The following TNRC6B variants were observed in gnomAD, a reference collection of about 807,000 sequenced individuals.
TNRC6B encodes the protein trinucleotide repeat-containing gene 6B protein.
Under a neutral mutation model 203.6 loss-of-function variants are expected in TNRC6B, and 52 were observed. The ratio of observed to expected loss-of-function variants is 0.26; its 90% CI spans 0.20 to 0.32. TNRC6B has a LOEUF of 0.32. Ranked by LOEUF, TNRC6B falls within the 10% of genes least tolerant of loss-of-function variation. The pLI, the probability that TNRC6B is intolerant of heterozygous loss-of-function variation, is 1.00. For synonymous variants in TNRC6B, 838 were observed against 845.7 expected (o/e 0.99, Z 0.16); for missense variants, 1,923 against 2,286.2 (o/e 0.84, Z 3.24).
chr22:40,086,676 C>A (rs913011193), intron 1 of TNRC6B, among the ~76,000 whole-genome samples: 2 of 152,138 alleles, frequency 1.3e-5, no homozygotes, highest in African/African-American at 2.4e-5. Context: ...AAGATGTCTT[C>A]TTTCACCTTG....
chr22:40,091,823 T>TA (rs1177540931), intron 1 of TNRC6B, among the ~76,000 whole-genome samples: 7 of 151,308 alleles, frequency 4.6e-5, no homozygotes, highest in Admixed American at 6.6e-5. Flanking sequence ...TAATGAAACT[T>TA]AAAAAAAAAC....
chr22:40,111,077 G>A (rs948477368), intron 1 of TNRC6B, among the ~76,000 whole-genome samples: 3 of 152,176 alleles, frequency 2.0e-5, no homozygotes, highest in Non-Finnish European at 2.9e-5. Flanking sequence ...GGAAGGATCC[G>A]TCCAGATCAC....
intron 2 of TNRC6B, among the ~76,000 whole-genome samples, chr22:40,122,884 G>A (rs2068457891): frequency 6.6e-6 from 1 of 152,202 alleles, no homozygotes; most frequent in Non-Finnish European, 1.5e-5. Flanking sequence ...GGGAAGCTGA[G>A]ACTGAGACAA....
chr22:40,117,231 A>C (rs1314436522), intron 2 of TNRC6B: 3 of 152,440 alleles, frequency 2.0e-5, no homozygotes, highest in African/African-American at 7.2e-5. Flanking sequence ...CCAAGTTCTT[A>C]CAGAAAGATA....
At chr22:40,299,158 C>CAAAAAA (rs796432826) in intron 12 of TNRC6B, among the ~76,000 whole-genome samples, 4 of 103,068 alleles carry the variant, frequency 3.9e-5, no homozygotes, top group Non-Finnish European at 4.1e-5. Context: ...AAAAAAAAAA[C>CAAAAAA]AAAAAAAAAA....
chr22:40,096,797 A>G (rs1320261293), intron 1 of TNRC6B, among the ~76,000 whole-genome samples: 2 of 152,236 alleles, frequency 1.3e-5, no homozygotes, highest in African/African-American at 4.8e-5. Context: ...ATCCACCTAC[A>G]CATTGGCATG....
intron 1 of TNRC6B, among the ~76,000 whole-genome samples, chr22:40,228,078 G>T (rs1404351708): frequency 2.6e-5 from 4 of 152,186 alleles, no homozygotes; most frequent in African/African-American, 4.8e-5. Flanking sequence ...GCTTTTGTGG[G>T]TTGGTCTGGC....
intron 1 of TNRC6B, among the ~76,000 whole-genome samples, chr22:40,219,617 A>G (rs2069680899): frequency 6.6e-6 from 1 of 152,074 alleles, no homozygotes. Flanking sequence ...GTGGCCACCC[A>G]GACCTCCTTC....
At chr22:40,052,770 T>C (rs1172351566) in intron 1 of TNRC6B, among the ~76,000 whole-genome samples, 3 of 152,178 alleles carry the variant, frequency 2.0e-5, no homozygotes, top group Non-Finnish European at 4.4e-5. Flanking sequence ...GACTTCCCCA[T>C]AGGACTGAGT....
At chr22:40,174,732 G>A (rs200339351), upstream of TNRC6B, among the ~76,000 whole-genome samples, 4 of 151,878 alleles carry the variant, frequency 2.6e-5, no homozygotes, top group East Asian at 3.9e-4. Context: ...GGCTGAGGCA[G>A]GAGAATGGCG....
At chr22:40,307,917 A>G (rs1339464874) in intron 15 of TNRC6B, among the ~76,000 whole-genome samples, 1 of 152,082 alleles carries the variant, frequency 6.6e-6, no homozygotes, top group Non-Finnish European at 1.5e-5. Flanking sequence ...AAGACCCTAC[A>G]TGACACAACT....
chr22:40,103,125 G>T (rs2146306491), intron 1 of TNRC6B, among the ~76,000 whole-genome samples: 1 of 151,752 alleles, frequency 6.6e-6, no homozygotes, highest in Middle Eastern at 3.4e-3. Flanking sequence ...TAATTTAGCT[G>T]GTCATGATGG....
At chr22:40,300,375 C>G (rs1001560240) in intron 12 of TNRC6B, 80 bp from the exon 13 acceptor site, 1 of 1,357,572 alleles carries the variant, frequency 7.4e-7, no homozygotes. Context: ...CATCAAGATT[C>G]TTTTCACAGA....
At chr22:40,250,887 G>A (rs2070181793) in intron 2 of TNRC6B, among the ~76,000 whole-genome samples, 1 of 149,942 alleles carries the variant, frequency 6.7e-6, no homozygotes, top group African/African-American at 2.4e-5. Flanking sequence ...CATTCAAAAT[G>A]CAAGTAGCAT....
rs532491913 is a variant in TNRC6B, at chr22:40,149,835, G to C, written c.46-6280G>C. Among the ~76,000 whole-genome samples, 8 of 151,680 alleles carry C rather than the reference G, an allele frequency of 5.3e-5. No homozygotes were observed. The South Asian group carries it at 1.2e-3, about 24-fold the overall frequency. On this transcript the variant is annotated intron_variant, in intron 3 of 23. Coordinates refer to the TNRC6B transcript ENST00000301923. Reference sequence around the variant, plus strand: ...TTTTTAAGAGACAGGGTCTCACTTTGTCACCCAGGCTGAAGTACAGTGGTG... The same window carrying C: ...TTTTTAAGAGACAGGGTCTCACTTTCTCACCCAGGCTGAAGTACAGTGGTG...
intron 15 of TNRC6B, among the ~76,000 whole-genome samples, chr22:40,302,337 C>T (rs894705912): frequency 6.6e-6 from 1 of 152,116 alleles, no homozygotes; most frequent in East Asian, 1.9e-4. Context: ...TCTACGCACA[C>T]TCAAAAAACG....
intron 3 of TNRC6B, among the ~76,000 whole-genome samples, chr22:40,151,798 A>C (rs1340923271): frequency 6.6e-6 from 1 of 151,890 alleles, no homozygotes; most frequent in African/African-American, 2.4e-5. Context: ...GGAGAAAGAA[A>C]GAAAGAAGAA....
rs1239909751 is a variant in TNRC6B at position 40,275,204 on chromosome 22, C to T, written c.3141+1604C>T. Among the ~76,000 whole-genome samples, 3 of 152,192 alleles carry T rather than the reference C, an allele frequency of 2.0e-5. No homozygotes were observed. In the East Asian group the frequency reaches 5.8e-4, roughly 29 times the overall value. On this transcript the variant is annotated intron_variant, in intron 7 of 22. Coordinates refer to ENST00000454349, the MANE Select transcript of TNRC6B (RefSeq NM_001162501.2). The stretch of plus-strand genomic sequence containing the variant: ...TTTCTTCTATTAAGAGCTTTTATTT[C>T]TTCAGTCACAGAAGGAATTATTCAG...
intron 17 of TNRC6B, among the ~76,000 whole-genome samples, chr22:40,311,608 C>G (rs1569065132): frequency 1.3e-5 from 2 of 150,964 alleles, no homozygotes; most frequent in Non-Finnish European, 2.9e-5. Flanking sequence ...GTGGTGCGAT[C>G]TTGGTTCACT....
Sources: allele counts gnomAD v4.1 joint callset (sites outside exome capture counted in the v4.1 genomes callset), GRCh38; gene constraint gnomAD v4.1.1; transcripts MANE v1.5; gene names NCBI Gene and HGNC (gene_info 2026-07-23, HGNC 2026-07-21).